ATCAY: variants seen among roughly 807,000 people sequenced by gnomAD.
The protein encoded by ATCAY is caytaxin.
ATCAY carries 22 observed loss-of-function variants against 47.7 expected under a neutral mutation model. The observed-to-expected ratio is 0.46, with a 90% confidence interval of 0.33 to 0.66. The LOEUF (loss-of-function observed/expected upper bound fraction) is 0.66, where lower values mean the gene tolerates loss of function less well. Ranked by LOEUF, ATCAY falls within the 30% of genes least tolerant of loss-of-function variation. The probability of loss-of-function intolerance (pLI) is 0.02; values close to 1 mark genes in which losing one functional copy is unlikely to be tolerated. For synonymous variants in ATCAY, 216 were observed against 207.6 expected, an observed-to-expected ratio of 1.04 and a Z score of -0.35; for missense variants, 452 against 515.0, an observed-to-expected ratio of 0.88 and a Z score of 1.18.
rs764697276 is a variant in ATCAY at position 3,890,247 on chromosome 19, ATTTTTTTTTTTTT to A, written c.77+4423_77+4435del. On this transcript the variant is annotated intron_variant, in intron 2 of 12. Transcript: ENST00000450849. ...GCCATTGGGCCCAGCTCCACCTATA[ATTTTTTTTTTTTT>A]TTTTTTTTTTTTTTTTTTTGCAGAC... is the stretch of plus-strand genomic sequence containing the variant. Among the ~76,000 whole-genome samples the A allele has an allele frequency of 2.1e-4, 8 of 38,570 alleles. 1 individual carries two copies. The South Asian group carries it at 3.1e-3, about 15-fold the overall frequency. The allele number at this position is 38,570 out of a possible 152,430, so 25.3% of individuals were successfully genotyped here.
chr19:3,919,016 G>A (rs138876505), intron 11 of ATCAY, 139 bp downstream of exon 11: 2 of 1,030,742 alleles, frequency 1.9e-6, no homozygotes, highest in South Asian at 1.4e-5. Context: ...GGTGGCTCAC[G>A]CCTGTAATCC....
At chr19:3,902,183 G>A (rs1288015858) in intron 2 of ATCAY, among the ~76,000 whole-genome samples, 6 of 151,834 alleles carry the variant, frequency 4.0e-5, no homozygotes, top group East Asian at 3.9e-4. Flanking sequence ...TTAGCCAGCC[G>A]TGGTGGTGTG....
At chr19:3,906,042 G>T (rs1339878861) in intron 4 of ATCAY, among the ~76,000 whole-genome samples, 1 of 151,642 alleles carries the variant, frequency 6.6e-6, no homozygotes, top group South Asian at 2.1e-4. Flanking sequence ...ATGGTGGCGG[G>T]CACCTGAAGT....
At chr19:3,891,763 G>A (rs1308541634) in intron 2 of ATCAY, among the ~76,000 whole-genome samples, 1 of 152,024 alleles carries the variant, frequency 6.6e-6, no homozygotes, top group Non-Finnish European at 1.5e-5. Context: ...TAGCCAAGGA[G>A]GGTCAGATGC....
At chr19:3,918,053 A>C (rs1301340293) in intron 10 of ATCAY, among the ~76,000 whole-genome samples, 1 of 152,158 alleles carries the variant, frequency 6.6e-6, no homozygotes. Context: ...AAAAAGGTTG[A>C]GCACAGACTT....
intron 2 of ATCAY, among the ~76,000 whole-genome samples, chr19:3,890,561 C>T (rs1467836552): frequency 6.6e-6 from 1 of 152,134 alleles, no homozygotes; most frequent in Non-Finnish European, 1.5e-5. Flanking sequence ...CCACACCCGG[C>T]CTCCACCGAT....
In ATCAY at chr19:3,894,565, G is replaced by A. The variant is rs546168970; in HGVS notation, c.78-7922G>A. ...GCTACTTGAGAGGCTGAGGTAGGAG[G>A]ATTGCTTGAGCCCAAGAATTTGAGA... On this transcript the variant is annotated intron_variant, in intron 2 of 12. Coordinates refer to ENST00000450849, the MANE Select transcript of ATCAY (RefSeq NM_033064.5). Among the ~76,000 whole-genome samples the A allele has an allele frequency of 9.7e-5, 14 of 144,850 alleles. No individual in the cohort carries two copies. The South Asian group carries it at 3.2e-3, about 33-fold the overall frequency.
intron 6 of ATCAY, among the ~76,000 whole-genome samples, chr19:3,909,233 T>A: frequency 7.8e-6 from 1 of 128,882 alleles, no homozygotes; most frequent in Non-Finnish European, 1.6e-5. Context: ...CGAGATTCCG[T>A]CTCAAAAAAA....
rs1373061111 is a variant in ATCAY at position 3,926,429 on chromosome 19, C to T, written c.*1837C>T. 1 of 152,236 alleles carries T rather than the reference C, an allele frequency of 6.6e-6. No individual in the cohort carries two copies. Among genetic ancestry groups the T allele is most frequent in the African/African-American group, 2.4e-5 (1 of 41,456 alleles). 9.4% of individuals were successfully genotyped at this position (152,236 alleles called of 1,614,324 possible). ...AGACGGTGAGTAGGGCGGGCACATTCTCCAGGCCCTTCTTCCTAGCTCTGT... is the reference window on the plus strand; with the variant it reads ...AGACGGTGAGTAGGGCGGGCACATTTTCCAGGCCCTTCTTCCTAGCTCTGT... On this transcript the variant is annotated 3_prime_UTR_variant, in exon 13 of 13. Transcript: ENST00000450849.
At chr19:3,902,572 G>A (rs982222017) in intron 3 of ATCAY, 27 bp downstream of exon 3, 37 of 1,555,070 alleles carry the variant, frequency 2.4e-5, no homozygotes, top group Admixed American at 5.8e-5. Flanking sequence ...ACAGAAGGGC[G>A]GAAACAGGCT....
At chr19:3,890,298 T>C (rs111440741) in intron 2 of ATCAY, among the ~76,000 whole-genome samples, 17,964 of 127,694 alleles carry the variant, frequency 0.14, 1,522 homozygotes, top group African/African-American at 0.23. Flanking sequence ...AGTCTCACTC[T>C]GTCACCTAAG....
intron 12 of ATCAY, among the ~76,000 whole-genome samples, chr19:3,923,156 A>T (rs1050621150): frequency 2.8e-5 from 4 of 142,784 alleles, no homozygotes; most frequent in African/African-American, 1.1e-4. Flanking sequence ...GCCTTAGACC[A>T]GTGCTGCTTA....
intron 10 of ATCAY, among the ~76,000 whole-genome samples, chr19:3,918,562 A>AAC (rs559062281): frequency 1.1e-3 from 160 of 151,092 alleles, no homozygotes; most frequent in African/African-American, 3.7e-3. Flanking sequence ...CTCAAAAAAA[A>AAC]AAACAAAAAA....
In ATCAY at chr19:3,927,929, G is replaced by A. The variant is rs1391058388; in HGVS notation, c.*3337G>A. On this transcript the variant is annotated 3_prime_UTR_variant, in exon 13 of 13. Coordinates refer to ENST00000450849, the MANE Select transcript of ATCAY (RefSeq NM_033064.5). ...GATGCGTCATAAACCCTCCCCCAAA[G>A]TCCTGGTCAGCAGCCCATCCTTCCA... The A allele has an allele frequency of 6.6e-6, 1 of 152,174 alleles. No individual in the cohort carries two copies. Among genetic ancestry groups the A allele is most frequent in the Non-Finnish European group, 1.5e-5 (1 of 68,040 alleles). The allele number at this position is 152,174 out of a possible 1,614,324, so 9.4% of individuals were successfully genotyped here.
intron 8 of ATCAY, 62 bp downstream of exon 8, chr19:3,910,951 A>ATGCATGCATTTGTGTG: frequency 6.4e-7 from 1 of 1,551,346 alleles, no homozygotes; most frequent in Non-Finnish European, 8.9e-7. Context: ...GCGTGTGTGT[A>ATGCATGCATTTGTGTG]TGCATGCATT....
intron 2 of ATCAY, among the ~76,000 whole-genome samples, chr19:3,886,629 G>A (rs979443175): frequency 4.0e-5 from 6 of 150,570 alleles, no homozygotes; most frequent in East Asian, 2.0e-4. Context: ...GGTGTCATGC[G>A]CCTATAATTC....
chr19:3,911,273 G>A (rs1203635379), intron 8 of ATCAY, among the ~76,000 whole-genome samples: 1 of 152,144 alleles, frequency 6.6e-6, no homozygotes, highest in Non-Finnish European at 1.5e-5. Flanking sequence ...GGCTCACGTG[G>A]GAGGATGGCT....
chr19:3,891,031 A>G (rs1465488243), intron 2 of ATCAY, among the ~76,000 whole-genome samples: 4 of 149,078 alleles, frequency 2.7e-5, no homozygotes, highest in African/African-American at 9.8e-5. Flanking sequence ...AGAGCCCTGC[A>G]TGGCCTCTGC....
At position 3,909,627 on chromosome 19, in the gene ATCAY, G is replaced by C; in HGVS notation, c.779+10G>C. 1 of 1,570,082 alleles carries C rather than the reference G, an allele frequency of 6.4e-7. No individual in the cohort carries two copies. On this transcript the variant is annotated intron_variant, in intron 7 of 12. Transcript: ENST00000450849. ...AGATGATCGACCGGAGGTGAGGTGG[G>C]GATGCCTCAGGAAGCACAGTGGGGG...
Sources: gnomAD v4.1 joint callset for allele counts (sites outside exome capture counted in the v4.1 genomes callset) on GRCh38, gnomAD v4.1.1 for gene constraint, MANE v1.5 for transcripts, NCBI Gene and HGNC (gene_info 2026-07-23, HGNC 2026-07-21) for gene names.